Variants in PPP2R5E observed in about 807,000 individuals in gnomAD.
The protein encoded by PPP2R5E is protein phosphatase 2 regulatory subunit B'epsilon.
A neutral mutation model predicts 65.3 loss-of-function variants in PPP2R5E; 4 were observed. The ratio of observed to expected loss-of-function variants is 0.06; its 90% CI spans 0.03 to 0.14. The LOEUF is 0.14. PPP2R5E is among the 10% of genes least tolerant of loss of function. The probability of loss-of-function intolerance (pLI) is 1.00; values close to 1 mark genes in which losing one functional copy is unlikely to be tolerated. For synonymous variants in PPP2R5E, 183 were observed against 187.4 expected (o/e 0.98, Z 0.19); for missense variants, 274 against 556.1 (o/e 0.49, Z 5.10).
chr14:63,466,083 AAG>A, intron 2 of PPP2R5E, among the ~76,000 whole-genome samples: 1 of 152,102 alleles, frequency 6.6e-6, no homozygotes, highest in Admixed American at 6.6e-5. Context: ...GTCCTTCCCC[AAG>A]AGATTACTTC....
intron 2 of PPP2R5E, among the ~76,000 whole-genome samples, chr14:63,526,872 AAATT>A (rs1400525384): frequency 2.6e-5 from 4 of 152,192 alleles, no homozygotes; most frequent in African/African-American, 4.8e-5. Flanking sequence ...AACAACTTCC[AAATT>A]AAGTTTACCT....
intron 2 of PPP2R5E, among the ~76,000 whole-genome samples, chr14:63,522,585 T>A (rs975260453): frequency 6.9e-6 from 1 of 144,614 alleles, no homozygotes; most frequent in African/African-American, 2.6e-5. Context: ...GGGGAGCGCC[T>A]CTGCCCCGCC....
intron 2 of PPP2R5E, among the ~76,000 whole-genome samples, chr14:63,459,805 T>C (rs563631015): frequency 6.6e-6 from 1 of 152,314 alleles, no homozygotes; most frequent in African/African-American, 2.4e-5. Context: ...CCTTCTTTCA[T>C]CCCCTCCTCC....
intron 2 of PPP2R5E, among the ~76,000 whole-genome samples, chr14:63,489,073 C>G (rs1484435509): frequency 2.6e-5 from 4 of 151,948 alleles, no homozygotes; most frequent in Non-Finnish European, 5.9e-5. Context: ...ACGACAGAAC[C>G]AGAATTAGAA....
intron 5 of PPP2R5E, among the ~76,000 whole-genome samples, chr14:63,408,545 T>C (rs74060076): frequency 0.025 from 3,802 of 152,290 alleles, 170 homozygotes; most frequent in African/African-American, 0.088. Context: ...TCCTTTGTAG[T>C]ATATTATTTA....
intron 13 of PPP2R5E, among the ~76,000 whole-genome samples, chr14:63,379,347 T>C (rs1327693163): frequency 6.6e-6 from 1 of 152,152 alleles, no homozygotes; most frequent in East Asian, 1.9e-4. Flanking sequence ...TCTCTGCTCA[T>C]GGCAACCTCC....
chr14:63,452,039 T>C (rs1888865069), intron 3 of PPP2R5E: 1 of 152,242 alleles, frequency 6.6e-6, no homozygotes, highest in Non-Finnish European at 1.5e-5. Flanking sequence ...ATGGCAACTT[T>C]ATATGTACTG....
In PPP2R5E at chr14:63,503,985, A is replaced by C. The variant is rs532466817; in HGVS notation, c.157+35544T>G. Reference sequence around the variant, plus strand: ...CAAAATCACACGCCAGTGTCCTCTGAGTGCAAAATTTGAATACATCACTTC... The same window carrying C: ...CAAAATCACACGCCAGTGTCCTCTGCGTGCAAAATTTGAATACATCACTTC... On this transcript the variant is annotated intron_variant, in intron 2 of 13. Transcript: ENST00000337537. Among the ~76,000 whole-genome samples the C allele has an allele frequency of 2.6e-5, 4 of 152,334 alleles. No individual in the cohort carries two copies. In the South Asian group the frequency reaches 6.2e-4, roughly 24 times the overall value.
intron 13 of PPP2R5E, among the ~76,000 whole-genome samples, chr14:63,379,826 CTTTTTTTTT>C (rs558475440): frequency 1.3e-4 from 13 of 100,300 alleles, no homozygotes; most frequent in Admixed American, 9.2e-4. Context: ...TATTCTCTCT[CTTTTTTTTT>C]TTTTTTTTTT....
intron 3 of PPP2R5E, among the ~76,000 whole-genome samples, chr14:63,444,016 C>T (rs1295663677): frequency 6.6e-6 from 1 of 152,162 alleles, no homozygotes; most frequent in Non-Finnish European, 1.5e-5. Flanking sequence ...TCTCTCTGTC[C>T]CACTGTCACT....
At chr14:63,404,224 A>T (rs1288124666) in intron 5 of PPP2R5E, among the ~76,000 whole-genome samples, 1 of 152,214 alleles carries the variant, frequency 6.6e-6, no homozygotes, top group Non-Finnish European at 1.5e-5. Context: ...TTTCGAGCAA[A>T]ACAACCCAGT....
At chr14:63,383,126 C>G (rs1330043104) in intron 12 of PPP2R5E, among the ~76,000 whole-genome samples, 2 of 152,118 alleles carry the variant, frequency 1.3e-5, no homozygotes, top group Non-Finnish European at 2.9e-5. Context: ...AATGGTAGCC[C>G]ATACTTAACA....
At chr14:63,523,105 C>G (rs1235158909) in intron 2 of PPP2R5E, among the ~76,000 whole-genome samples, 1 of 149,834 alleles carries the variant, frequency 6.7e-6, no homozygotes, top group Non-Finnish European at 1.5e-5. Context: ...GCCCCCCGCC[C>G]GGCCAGCAGC....
chr14:63,384,864 G>A (rs1273803239), intron 11 of PPP2R5E, among the ~76,000 whole-genome samples: 4 of 152,044 alleles, frequency 2.6e-5, no homozygotes, highest in Non-Finnish European at 4.4e-5. Flanking sequence ...CCTAGCTAAT[G>A]TTTGTATTTT....
At chr14:63,391,687 T>C in intron 10 of PPP2R5E, 130 bp downstream of exon 10, 1 of 970,952 alleles carries the variant, frequency 1.0e-6, no homozygotes, top group Non-Finnish European at 1.5e-6. Flanking sequence ...CCTCCCAAAG[T>C]GCTGGGATTA....
At position 63,453,774 on chromosome 14, in the gene PPP2R5E, C is replaced by T; in HGVS notation, c.269G>A (p.Arg90His). The T allele has an allele frequency of 1.2e-6, 2 of 1,611,236 alleles. No individual in the cohort carries two copies. Among genetic ancestry groups the T allele is most frequent in the Non-Finnish European group, 1.7e-6 (2 of 1,179,250 alleles). ...GTCCACCAGTTCATTAAGAGTGGAG[C>T]GCTTGTATTCTTTCATTTTAAGATC... ...LSDLKMKEYK[R>H]STLNELVDYI... Residue 90 changes from arginine to histidine, a missense_variant, in exon 3 of 14, where the codon CGC (arginine) becomes CAC (histidine). By Grantham distance (29) the Arg-to-His change is conservative. Around this residue, in one of 6 missense-constraint regions of PPP2R5E, gnomAD observed 51 missense variants for 101.1 expected, o/e 0.50. Transcript: ENST00000337537.
At chr14:63,394,116 C>G (rs1376970887) in intron 7 of PPP2R5E, among the ~76,000 whole-genome samples, 188 bp from the exon 8 acceptor site, 1 of 118,142 alleles carries the variant, frequency 8.5e-6, no homozygotes, top group South Asian at 2.9e-4. Flanking sequence ...TCATCTTGCT[C>G]TATTGCCCAG....
At chr14:63,380,482 G>GAA (rs1566661307) in intron 13 of PPP2R5E, among the ~76,000 whole-genome samples, 1 of 152,060 alleles carries the variant, frequency 6.6e-6, no homozygotes, top group Non-Finnish European at 1.5e-5. Context: ...CTAGCACAGT[G>GAA]AAACCCTGTC....
chr14:63,374,665 ATAT>A lies in PPP2R5E; in HGVS notation c.*1341_*1343del, dbSNP rs1883887702. 18 of 136,948 alleles carry A rather than the reference ATAT, an allele frequency of 1.3e-4. 1 individual carries two copies. The highest frequency in any genetic ancestry group is 1.8e-4 in the African/African-American group (6 of 33,630). 8.5% of individuals were successfully genotyped at this position (136,948 alleles called of 1,614,324 possible). A position where few individuals can be genotyped will look rare whatever the true frequency, so the allele number is the denominator to read the frequency against. ...TATATATATATATATATATATATAT[ATAT>A]AAAATACAGCCCTAGATTTTGTTTT... On this transcript the variant is annotated 3_prime_UTR_variant, in exon 14 of 14. Transcript: ENST00000337537.
Sources: allele counts gnomAD v4.1 joint callset (sites outside exome capture counted in the v4.1 genomes callset), GRCh38; gene constraint gnomAD v4.1.1; regional missense constraint gnomAD v4.1.1; transcripts MANE v1.5; gene names NCBI Gene and HGNC (gene_info 2026-07-23, HGNC 2026-07-21).